Variants in CCL17 observed in about 807,000 individuals in gnomAD.
CCL17 encodes the protein C-C motif chemokine 17.
In CCL17, 8 loss-of-function variants were observed where a neutral mutation model predicts 7.4. The observed-to-expected ratio is 1.09, with a 90% CI of 0.64 to 1.96. CCL17 has a LOEUF of 1.96. Ranked by LOEUF, CCL17 falls within the 30% of genes most tolerant of loss-of-function variation. The pLI, the probability that CCL17 is intolerant of heterozygous loss-of-function variation, is 0.00. For synonymous variants in CCL17, 40 were observed against 46.1 expected (o/e 0.87, Z 0.54); for missense variants, 102 against 113.0 (o/e 0.90, Z 0.44).
rs1902855230 is a variant in CCL17 at position 57,415,506 on chromosome 16, C to T, written c.189-259C>T. On this transcript the variant is annotated intron_variant, in intron 3 of 3. Transcript: ENST00000219244. The surrounding 1 kb of genome is among the most constrained non-coding windows in gnomAD (Gnocchi z 4.5). ...AGCCCTGCCCGCAGTCTCCACGTCC[C>T]AGGCTCTAGACTGTCTGGGGGCATG... 6.6e-6 allele frequency among the ~76,000 whole-genome samples: 1 copy of T among 152,222 alleles called. No homozygotes were observed. The highest frequency in any genetic ancestry group is 1.5e-5 in the Non-Finnish European group (1 of 68,042).
chr16:57,412,966 G>C (rs1413755950), intron 1 of CCL17, among the ~76,000 whole-genome samples: 1 of 152,178 alleles, frequency 6.6e-6, no homozygotes, highest in Non-Finnish European at 1.5e-5. Context: ...GCCCCCACTG[G>C]AAAGTGGACT....
chr16:57,411,572 C>A (rs1179944921), intron 1 of CCL17, among the ~76,000 whole-genome samples: 1 of 152,242 alleles, frequency 6.6e-6, no homozygotes, highest in Non-Finnish European at 1.5e-5. Context: ...TGTTATTAAT[C>A]AGCTGTCCCT....
At chr16:57,396,871 G>C in the CCL17 span, among the ~76,000 whole-genome samples, 3 of 152,164 alleles carry the variant, frequency 2.0e-5, no homozygotes, top group Non-Finnish European at 4.4e-5. Flanking sequence ...GACAGTATTC[G>C]TGGTTGCAGG....
intron 2 of CCL17, 139 bp downstream of exon 2, chr16:57,414,141 G>A (rs1902829380): frequency 5.1e-6 from 3 of 583,512 alleles, no homozygotes; most frequent in Non-Finnish European, 8.8e-6. Flanking sequence ...GAAGCCCACA[G>A]CACTAGGATT....
At chr16:57,407,915 C>A (rs1260157959) in intron 1 of CCL17, among the ~76,000 whole-genome samples, 1 of 151,518 alleles carries the variant, frequency 6.6e-6, no homozygotes, top group East Asian at 1.9e-4. Context: ...ATTCATCTAC[C>A]CATCCATCTA....
chr16:57,415,234 C>A lies in CCL17; in HGVS notation c.188+36C>A. ...CTGGCTCCACCCCTGCTCCTCAGGG[C>A]CAAGCATGGGGACAAGTGCACCCTG... On this transcript the variant is annotated intron_variant, in intron 3 of 3. Coordinates refer to ENST00000219244, the MANE Select transcript of CCL17 (RefSeq NM_002987.3). This position sits in a 1 kb window ranked among gnomAD's most constrained non-coding sequence, Gnocchi z 4.5. 2 of 1,378,032 alleles carry A rather than the reference C, an allele frequency of 1.5e-6. No individual in the cohort carries two copies. Among genetic ancestry groups the A allele is most frequent in the East Asian group, 2.3e-5 (1 of 43,752 alleles). 85.4% of individuals were successfully genotyped at this position (1,378,032 alleles called of 1,614,324 possible).
At chr16:57,403,680 A>C (rs1473241815), upstream of CCL17, among the ~76,000 whole-genome samples, 1 of 111,706 alleles carries the variant, frequency 9.0e-6, no homozygotes, top group Non-Finnish European at 1.7e-5. Flanking sequence ...TTTTTGAGAT[A>C]GAGTCTTGCT....
Position 57,415,057 on chromosome 16 carries a change from C to A in CCL17, c.71-24C>A. The A allele has an allele frequency of 6.6e-7, 1 of 1,523,250 alleles. No homozygotes were observed. The highest frequency in any genetic ancestry group is 9.1e-7 in the Non-Finnish European group (1 of 1,097,390). The allele number at this position is 1,523,250 out of a possible 1,614,324, so 94.4% of individuals were successfully genotyped here. A position where few individuals can be genotyped will look rare whatever the true frequency, so the allele number is the denominator to read the frequency against. Reference sequence around the variant, plus strand: ...ACACACGCAGACACTCACAGACACCCCTGCCCCGCTCCTCTCCCTGCAGCT... The same window carrying A: ...ACACACGCAGACACTCACAGACACCACTGCCCCGCTCCTCTCCCTGCAGCT... On this transcript the variant is annotated intron_variant, in intron 2 of 3. Transcript: ENST00000219244. This position sits in a 1 kb window ranked among gnomAD's most constrained non-coding sequence, Gnocchi z 4.5.
upstream of CCL17, among the ~76,000 whole-genome samples, chr16:57,402,837 T>C (rs551690103): frequency 6.6e-6 from 1 of 151,740 alleles, no homozygotes; most frequent in East Asian, 1.9e-4. Context: ...ATCCAAAAAC[T>C]ATGTATTGAA....
upstream of CCL17, among the ~76,000 whole-genome samples, chr16:57,402,390 G>A (rs987454790): frequency 6.6e-6 from 1 of 152,188 alleles, no homozygotes; most frequent in African/African-American, 2.4e-5. Context: ...CCAGGATGCT[G>A]GGTGCTTGTC....
At chr16:57,403,642 A>ATATATATT (rs1902651973), upstream of CCL17, among the ~76,000 whole-genome samples, 5 of 76,776 alleles carry the variant, frequency 6.5e-5, no homozygotes, top group South Asian at 3.9e-4. Flanking sequence ...ATATATTATA[A>ATATATATT]ATATATATAA....
At chr16:57,398,629 A>G in the CCL17 span, among the ~76,000 whole-genome samples, 1 of 152,234 alleles carries the variant, frequency 6.6e-6, no homozygotes, top group Non-Finnish European at 1.5e-5. Context: ...ATAAGCCAGT[A>G]TAGGCTGTAT....
the CCL17 span, among the ~76,000 whole-genome samples, chr16:57,397,258 C>A: frequency 2.0e-5 from 3 of 152,170 alleles, no homozygotes; most frequent in Non-Finnish European, 4.4e-5. Context: ...GAGATTTGGC[C>A]CTGTAAATAG....
At chr16:57,405,283 T>C (rs1902677700) in intron 1 of CCL17, among the ~76,000 whole-genome samples, 2 of 152,118 alleles carry the variant, frequency 1.3e-5, no homozygotes, top group Non-Finnish European at 2.9e-5. Context: ...CCAGAAGTTT[T>C]TGAGACTCTC....
chr16:57,399,294 C>T, the CCL17 span, among the ~76,000 whole-genome samples: 1 of 152,180 alleles, frequency 6.6e-6, no homozygotes, highest in Non-Finnish European at 1.5e-5. Flanking sequence ...GGAGAAATCC[C>T]ATCCACATGG....
intron 1 of CCL17, among the ~76,000 whole-genome samples, chr16:57,405,850 G>T (rs1221987816): frequency 6.6e-6 from 1 of 150,708 alleles, no homozygotes; most frequent in African/African-American, 2.4e-5. Context: ...TGGCTAACAC[G>T]GTGAAACCCC....
intron 1 of CCL17, among the ~76,000 whole-genome samples, chr16:57,412,816 C>T (rs937138116): frequency 6.6e-6 from 1 of 152,168 alleles, no homozygotes; most frequent in Non-Finnish European, 1.5e-5. Context: ...CCCAACAGGG[C>T]GACCGGCAAT....
At chr16:57,411,844 C>G (rs1409480150) in intron 1 of CCL17, among the ~76,000 whole-genome samples, 1 of 152,256 alleles carries the variant, frequency 6.6e-6, no homozygotes, top group Admixed American at 6.5e-5. Context: ...TGCAGGGGGA[C>G]TCTGCGGGGA....
the CCL17 span, among the ~76,000 whole-genome samples, chr16:57,399,513 G>T: frequency 6.6e-6 from 1 of 152,036 alleles, no homozygotes; most frequent in African/African-American, 2.4e-5. Context: ...TGCAAAGGTG[G>T]GATCTTGGCT....
Sources: allele counts gnomAD v4.1 joint callset (sites outside exome capture counted in the v4.1 genomes callset), GRCh38; gene constraint gnomAD v4.1.1; non-coding constraint Gnocchi (gnomAD v3.1); transcripts MANE v1.5; gene names NCBI Gene and HGNC (gene_info 2026-07-23, HGNC 2026-07-21).